Variants in RIT2 observed in about 807,000 individuals in gnomAD.
The protein encoded by RIT2 is GTP-binding protein Rit2.
A neutral mutation model predicts 23.7 loss-of-function variants in RIT2; 24 were observed. The ratio of observed to expected loss-of-function variants is 1.01; its 90% CI spans 0.73 to 1.43. The LOEUF is 1.43. Among genes scored for constraint, RIT2 ranks in the 40% most tolerant of loss-of-function variants. The probability of loss-of-function intolerance (pLI) is 0.00; values close to 1 mark genes in which losing one functional copy is unlikely to be tolerated. For synonymous variants in RIT2, 107 were observed against 91.1 expected, an observed-to-expected ratio of 1.17 and a Z score of -0.99; for missense variants, 236 against 266.9, an observed-to-expected ratio of 0.88 and a Z score of 0.81.
intron 4 of RIT2, among the ~76,000 whole-genome samples, chr18:42,894,074 G>A (rs988354570): frequency 5.9e-5 from 9 of 152,138 alleles, no homozygotes; most frequent in African/African-American, 1.7e-4. Flanking sequence ...CGCTGATGGC[G>A]CTCAGCAGAA....
At chr18:42,893,358 G>A (rs982649256) in intron 4 of RIT2, among the ~76,000 whole-genome samples, 24 of 152,030 alleles carry the variant, frequency 1.6e-4, no homozygotes, top group Non-Finnish European at 3.1e-4. Context: ...CCAAGATCAA[G>A]GCATCAGTAG....
chr18:43,112,463 TA>T (rs766639640), intron 1 of RIT2, among the ~76,000 whole-genome samples: 1 of 152,248 alleles, frequency 6.6e-6, no homozygotes, highest in Non-Finnish European at 1.5e-5. Context: ...CAGTAAACTT[TA>T]TTGATTACTT....
intron 2 of RIT2, among the ~76,000 whole-genome samples, chr18:43,001,550 T>A (rs1911108226): frequency 6.6e-6 from 1 of 151,982 alleles, no homozygotes; most frequent in South Asian, 2.1e-4. Context: ...ATTGAATATC[T>A]TTTAAGATAT....
intron 1 of RIT2, among the ~76,000 whole-genome samples, chr18:43,092,977 A>G (rs1350651728): frequency 6.6e-6 from 1 of 152,062 alleles, no homozygotes; most frequent in African/African-American, 2.4e-5. Context: ...ACAAATGCAT[A>G]GTATATTCTT....
intron 3 of RIT2, among the ~76,000 whole-genome samples, chr18:42,943,007 T>C (rs1909640434): frequency 6.6e-6 from 1 of 151,916 alleles, no homozygotes; most frequent in Non-Finnish European, 1.5e-5. Context: ...TCATGGTGAG[T>C]GTTACACCTC....
chr18:42,795,219 ACT>A (rs1914130685), intron 4 of RIT2, among the ~76,000 whole-genome samples: 1 of 151,974 alleles, frequency 6.6e-6, no homozygotes, highest in African/African-American at 2.4e-5. Context: ...GCCGGAGCCC[ACT>A]CTCTCAGCTT....
intron 3 of RIT2, among the ~76,000 whole-genome samples, chr18:42,933,200 A>T (rs1351070474): frequency 6.6e-6 from 1 of 152,178 alleles, no homozygotes; most frequent in Non-Finnish European, 1.5e-5. Context: ...GAACACAGGC[A>T]TAATAAGCAA....
chr18:42,927,197 T>G (rs1909201489), intron 3 of RIT2, among the ~76,000 whole-genome samples: 1 of 151,976 alleles, frequency 6.6e-6, no homozygotes, highest in Admixed American at 6.6e-5. Context: ...GTTTTTTATG[T>G]AAGCTTAATC....
chr18:42,750,871 C>T (rs1459849442), intron 4 of RIT2, among the ~76,000 whole-genome samples: 1 of 151,506 alleles, frequency 6.6e-6, no homozygotes, highest in African/African-American at 2.4e-5. Flanking sequence ...TACAGGGATA[C>T]TAAAATTCAT....
intron 2 of RIT2, among the ~76,000 whole-genome samples, chr18:42,982,385 C>T (rs927869664): frequency 1.3e-5 from 2 of 152,164 alleles, no homozygotes; most frequent in East Asian, 3.9e-4. Flanking sequence ...TCCACTCAGA[C>T]TCACATAGTG....
intron 4 of RIT2, among the ~76,000 whole-genome samples, chr18:42,814,968 A>G (rs1310276357): frequency 6.6e-6 from 1 of 152,168 alleles, no homozygotes; most frequent in Non-Finnish European, 1.5e-5. Flanking sequence ...CCATAGGAAA[A>G]TGGGGACAGT....
At chr18:43,000,424 C>T (rs574168383) in intron 2 of RIT2, among the ~76,000 whole-genome samples, 123 of 151,974 alleles carry the variant, frequency 8.1e-4, no homozygotes, top group Middle Eastern at 6.8e-3. Flanking sequence ...CAAGGGAGAT[C>T]GATACAATTT....
At chr18:42,858,346 C>G (rs1352797234) in intron 4 of RIT2, among the ~76,000 whole-genome samples, 10 of 152,176 alleles carry the variant, frequency 6.6e-5, no homozygotes, top group African/African-American at 2.4e-4. Context: ...GGAGTAGAGG[C>G]ACTTTGCACT....
At chr18:42,853,600 G>A (rs1907111477) in intron 4 of RIT2, among the ~76,000 whole-genome samples, 1 of 152,058 alleles carries the variant, frequency 6.6e-6, no homozygotes, top group African/African-American at 2.4e-5. Context: ...TATATTTTTG[G>A]CTTCTTTACT....
chr18:43,027,957 A>G (rs1439400290), intron 2 of RIT2, among the ~76,000 whole-genome samples: 1 of 152,130 alleles, frequency 6.6e-6, no homozygotes, highest in Non-Finnish European at 1.5e-5. Context: ...CTTGTATTCC[A>G]CAAATGTTTT....
intron 3 of RIT2, among the ~76,000 whole-genome samples, chr18:42,965,711 C>CT (rs58344278): frequency 0.02 from 767 of 37,706 alleles, 262 homozygotes; most frequent in Non-Finnish European, 0.032. Context: ...GTACTGATGG[C>CT]TTTTTTTTTT....
At chr18:43,057,470 A>C (rs1258522272) in intron 1 of RIT2, among the ~76,000 whole-genome samples, 3 of 152,168 alleles carry the variant, frequency 2.0e-5, no homozygotes, top group Non-Finnish European at 1.5e-5. Context: ...AAAAAGGACA[A>C]GCTTCTATTA....
intron 4 of RIT2, among the ~76,000 whole-genome samples, chr18:42,755,605 C>T (rs1368317369): frequency 6.6e-6 from 1 of 152,118 alleles, no homozygotes; most frequent in Non-Finnish European, 1.5e-5. Flanking sequence ...TTTTTCATCA[C>T]CCATCAGTAT....
rs113530360 is a variant in RIT2 at position 42,775,860 on chromosome 18, T to TACAC, written c.427-32144_427-32141dup. ...GGCAGAAGAAACTAACACACACACA[T>TACAC]ACACACACACACACACACACAGAGA... On this transcript the variant is annotated intron_variant, in intron 4 of 4. Coordinates refer to ENST00000326695, the MANE Select transcript of RIT2 (RefSeq NM_002930.4). Among the ~76,000 whole-genome samples the TACAC allele has an allele frequency of 4.2e-3, 624 of 148,944 alleles. 2 individuals are homozygous for TACAC. The highest frequency in any genetic ancestry group is 6.1e-3 in the Admixed American group (91 of 15,018).
Sources: gnomAD v4.1 joint callset for allele counts (sites outside exome capture counted in the v4.1 genomes callset) on GRCh38, gnomAD v4.1.1 for gene constraint, MANE v1.5 for transcripts, NCBI Gene and HGNC (gene_info 2026-07-23, HGNC 2026-07-21) for gene names.